Variants in ATP6V1H observed in about 807,000 individuals in gnomAD.
ATP6V1H encodes V-type proton ATPase subunit H.
Under a neutral mutation model 71.7 loss-of-function variants are expected in ATP6V1H, and 39 were observed. The observed-to-expected ratio is 0.54, with a 90% confidence interval of 0.42 to 0.71. ATP6V1H has a LOEUF of 0.71. Ranked by LOEUF, ATP6V1H falls within the 30% of genes least tolerant of loss-of-function variation. ATP6V1H has a pLI of 0.00. For synonymous variants in ATP6V1H, 192 were observed against 199.3 expected (o/e 0.96, Z 0.31); for missense variants, 509 against 594.9 (o/e 0.86, Z 1.50).
intron 9 of ATP6V1H, among the ~76,000 whole-genome samples, chr8:53,776,797 A>G (rs1363490965): frequency 6.6e-6 from 1 of 152,248 alleles, no homozygotes; most frequent in Non-Finnish European, 1.5e-5. Context: ...CATTACGACT[A>G]TGACCAAAGA....
chr8:53,733,212 C>T (rs1027200102), intron 13 of ATP6V1H, among the ~76,000 whole-genome samples: 20 of 152,224 alleles, frequency 1.3e-4, no homozygotes, highest in African/African-American at 1.9e-4. Flanking sequence ...CTGGTTCACC[C>T]GCCTGGACTT....
At chr8:53,746,512 G>A (rs1474813359) in intron 12 of ATP6V1H, among the ~76,000 whole-genome samples, 4 of 151,826 alleles carry the variant, frequency 2.6e-5, no homozygotes, top group African/African-American at 7.3e-5. Context: ...TAATCCACCC[G>A]CCTCAGCCTC....
chr8:53,773,848 T>C (rs1452892589), intron 9 of ATP6V1H, among the ~76,000 whole-genome samples: 1 of 151,832 alleles, frequency 6.6e-6, no homozygotes, highest in Admixed American at 6.6e-5. Context: ...GAAACAGAAA[T>C]CCTAGAAGTA....
Position 53,782,789 on chromosome 8 carries a change from A to G in ATP6V1H, c.871-10622T>C, listed in dbSNP as rs1438975295. ...TTTGTCAAAGGCCTTTTCTGCATCT[A>G]TTGAGATAATCATGTGGTTTTTGTC... On this transcript the variant is annotated intron_variant, in intron 9 of 13. Coordinates refer to ENST00000359530, the MANE Select transcript of ATP6V1H (RefSeq NM_015941.4). Among the ~76,000 whole-genome samples, 17 of 152,224 alleles carry G rather than the reference A, an allele frequency of 1.1e-4. No individual in the cohort carries two copies. The South Asian group carries it at 3.5e-3, about 32-fold the overall frequency.
chr8:53,721,230 T>G (rs1336266992), intron 13 of ATP6V1H, among the ~76,000 whole-genome samples: 1 of 152,186 alleles, frequency 6.6e-6, no homozygotes, highest in Non-Finnish European at 1.5e-5. Flanking sequence ...CCTCTGGCTT[T>G]TATCATGATT....
intron 9 of ATP6V1H, among the ~76,000 whole-genome samples, chr8:53,786,187 C>T (rs943681958): frequency 6.6e-6 from 1 of 152,210 alleles, no homozygotes; most frequent in African/African-American, 2.4e-5. Context: ...GGGCTCCACC[C>T]AGTTCAAGCT....
rs547931091 is a variant in ATP6V1H, at chr8:53,793,482, T to C, written c.870+2165A>G. ...AACAAGATCCTGTCTCTACAAAAGA[T>C]TTTATTTTTTAAATTAGCCAGGCTC... On this transcript the variant is annotated intron_variant, in intron 9 of 13. Transcript: ENST00000359530. Among the ~76,000 whole-genome samples the C allele has an allele frequency of 1.3e-3, 203 of 152,102 alleles. 1 individual carries two copies. The highest frequency in any genetic ancestry group is 2.4e-3 in the Non-Finnish European group (160 of 68,000).
chr8:53,799,745 G>C (rs1033230498), intron 8 of ATP6V1H, among the ~76,000 whole-genome samples: 2 of 152,076 alleles, frequency 1.3e-5, no homozygotes, highest in African/African-American at 4.8e-5. Flanking sequence ...AGGTCATGAG[G>C]GCAGAGCACT....
At chr8:53,840,932 A>G (rs763579848) in intron 2 of ATP6V1H, among the ~76,000 whole-genome samples, 2 of 152,224 alleles carry the variant, frequency 1.3e-5, no homozygotes, top group Non-Finnish European at 2.9e-5. Context: ...ACATCAGCAC[A>G]TTAAATATTA....
chr8:53,724,636 C>T (rs992187205), intron 13 of ATP6V1H, among the ~76,000 whole-genome samples: 2 of 149,388 alleles, frequency 1.3e-5, no homozygotes, highest in Admixed American at 6.7e-5. Flanking sequence ...GAGGCCACGC[C>T]CCAGGGACGG....
At chr8:53,747,239 T>C (rs1807633890) in intron 12 of ATP6V1H, among the ~76,000 whole-genome samples, 1 of 152,194 alleles carries the variant, frequency 6.6e-6, no homozygotes, top group Non-Finnish European at 1.5e-5. Flanking sequence ...TAACATATTA[T>C]GATTCCACTC....
chr8:53,725,875 T>C (rs1224003745), intron 13 of ATP6V1H, among the ~76,000 whole-genome samples: 3 of 152,142 alleles, frequency 2.0e-5, no homozygotes, highest in South Asian at 2.1e-4. Context: ...TGCATGTTAA[T>C]GATGTTCCTA....
At chr8:53,731,117 C>T (rs761472346) in intron 13 of ATP6V1H, among the ~76,000 whole-genome samples, 4 of 152,128 alleles carry the variant, frequency 2.6e-5, no homozygotes, top group African/African-American at 7.2e-5. Context: ...CTGTGACTCC[C>T]GACACACAGC....
At chr8:53,783,617 C>A (rs554345873) in intron 9 of ATP6V1H, among the ~76,000 whole-genome samples, 2 of 152,268 alleles carry the variant, frequency 1.3e-5, no homozygotes, top group Non-Finnish European at 2.9e-5. Flanking sequence ...TTCTCTAGTT[C>A]TTTTAATTGT....
Position 53,784,219 on chromosome 8 carries a change from A to G in ATP6V1H, c.870+11428T>C, listed in dbSNP as rs568721921. ...CTAAGGACTTGCTTTATGAATCTGG[A>G]TGCTCCTGTATTGGGTGCATATATA... On this transcript the variant is annotated intron_variant, in intron 9 of 13. Transcript: ENST00000359530. Among the ~76,000 whole-genome samples, 336 of 152,222 alleles carry G rather than the reference A, an allele frequency of 2.2e-3. 2 individuals carry two copies. Among genetic ancestry groups the G allele is most frequent in the African/African-American group, 7.8e-3 (326 of 41,540 alleles).
intron 5 of ATP6V1H, among the ~76,000 whole-genome samples, chr8:53,816,194 A>G (rs1435314873): frequency 2.0e-5 from 3 of 152,242 alleles, no homozygotes; most frequent in Admixed American, 1.3e-4. Context: ...TGAATACAAT[A>G]TATAACTATA....
intron 9 of ATP6V1H, among the ~76,000 whole-genome samples, chr8:53,785,546 T>G (rs1809346394): frequency 6.6e-6 from 1 of 152,210 alleles, no homozygotes; most frequent in African/African-American, 2.4e-5. Context: ...CTCGTCAAAG[T>G]AATTCTCCAT....
At chr8:53,783,697 C>T (rs1243444337) in intron 9 of ATP6V1H, among the ~76,000 whole-genome samples, 1 of 152,158 alleles carries the variant, frequency 6.6e-6, no homozygotes. Context: ...AAATTTCCCT[C>T]TACACACTGC....
At chr8:53,755,687 TATATATATATATATATA>T (rs1807992205) in intron 12 of ATP6V1H, among the ~76,000 whole-genome samples, 141 of 3,016 alleles carry the variant, frequency 0.047, 10 homozygotes, top group African/African-American at 0.065. Flanking sequence ...CCAGCGTACA[TATATATATATATATATA>T]TATATATATA....
Sources: allele counts gnomAD v4.1 joint callset (sites outside exome capture counted in the v4.1 genomes callset), GRCh38; gene constraint gnomAD v4.1.1; transcripts MANE v1.5; gene names NCBI Gene and HGNC (gene_info 2026-07-23, HGNC 2026-07-21).